The following MYMK variants were observed in gnomAD, a reference collection of about 807,000 sequenced individuals.
MYMK encodes the protein protein myomaker.
A neutral mutation model predicts 22.4 loss-of-function variants in MYMK; 16 were observed. The ratio of observed to expected loss-of-function variants is 0.72; its 90% CI spans 0.48 to 1.09. The LOEUF (loss-of-function observed/expected upper bound fraction) is 1.09. Ranked by LOEUF, MYMK falls within the 50% of genes least tolerant of loss-of-function variation. The pLI, the probability that MYMK is intolerant of heterozygous loss-of-function variation, is 0.00. For missense variants in MYMK, 250 were observed against 295.6 expected, an observed-to-expected ratio of 0.85 and a Z score of 1.13; for synonymous variants, 125 against 127.0, an observed-to-expected ratio of 0.98 and a Z score of 0.11.
chr9:133,518,826 T>G, intron 3 of MYMK, 48 bp downstream of exon 3: 1 of 1,578,660 alleles, frequency 6.3e-7, no homozygotes, highest in East Asian at 2.3e-5. Flanking sequence ...AGGGGAGAGG[T>G]GACGGGCCTC....
At position 133,524,775 on chromosome 9, in the gene MYMK, T is replaced by C. The variant is rs564601963; in HGVS notation, c.70A>G (p.Ile24Val). The change falls in exon 1 of 5, where the codon ATC becomes GTC. Residue 24 changes from isoleucine (I) to valine (V), a missense_variant. Ile to Val is a conservative substitution (Grantham distance 29, BLOSUM62 3). Coordinates refer to ENST00000339996, the MANE Select transcript of MYMK (RefSeq NM_001080483.3). ...SSLAFLPTVS[I>V]AAKRRFHMEA... ...ATGTGGAACCGCCTCTTGGCCGCGA[T>C]GCTGACAGTGGGGAGGAAGGCCAGG... is the stretch of plus-strand genomic sequence containing the variant. 3.1e-6 allele frequency: 5 copies of C among 1,614,126 alleles called. No homozygotes were observed. In the African/African-American group the frequency reaches 6.7e-5, roughly 22 times the overall value.
rs770035724 is a variant in MYMK, at chr9:133,518,854, G to A, written c.399+20C>T. 2.8e-5 allele frequency: 44 copies of A among 1,595,034 alleles called. No homozygotes were observed. The South Asian group carries it at 3.1e-4, about 11-fold the overall frequency. On this transcript the variant is annotated intron_variant, in intron 3 of 4. Coordinates refer to ENST00000339996, the MANE Select transcript of MYMK (RefSeq NM_001080483.3). ...CGGGCCTCCTGGGTCCCCGTTCATC[G>A]AGGCTCGCGCAGTACGCACCCACTT...
At chr9:133,519,551 C>T (rs1197794315) in intron 2 of MYMK, among the ~76,000 whole-genome samples, 1 of 152,096 alleles carries the variant, frequency 6.6e-6, no homozygotes, top group Non-Finnish European at 1.5e-5. Flanking sequence ...CAGAGTGAGA[C>T]CCTGTGGCTA....
rs149539829 is a variant in MYMK at position 133,515,098 on chromosome 9, A to G, written c.517-313T>C. Among the ~76,000 whole-genome samples, 173 of 112,090 alleles carry G rather than the reference A, an allele frequency of 1.5e-3. 2 individuals are homozygous for G. The highest frequency in any genetic ancestry group is 5.7e-3 in the African/African-American group (162 of 28,254). The allele number at this position is 112,090 out of a possible 152,430, so 73.5% of individuals were successfully genotyped here. A position where few individuals can be genotyped will look rare whatever the true frequency, so the allele number is the denominator to read the frequency against. On this transcript the variant is annotated intron_variant, in intron 4 of 4. Transcript: ENST00000339996. This position sits in a 1 kb window ranked among gnomAD's most constrained non-coding sequence, Gnocchi z 5.8. Reference sequence around the variant, plus strand: ...CCATCTCCCCCTCTTTTCTCTCCTTATCCCTCTTCCCCTGTTCCTCCCTCC... The same window carrying G: ...CCATCTCCCCCTCTTTTCTCTCCTTGTCCCTCTTCCCCTGTTCCTCCCTCC...
In MYMK at chr9:133,514,651, G is replaced by C. The variant is rs936541949; in HGVS notation, c.651C>G (p.Cys217Trp). The change falls in exon 5 of 5, where the codon TGC becomes TGG. Residue 217 changes from cysteine to tryptophan, a missense_variant. Physicochemically the swap from Cys to Trp is radical, Grantham distance 215 (BLOSUM62 -2). Transcript: ENST00000339996. The stretch of plus-strand genomic sequence containing the variant: ...GGGCGCAGCATCAGACACAAGCACA[G>C]CACAGGGTGGAGCAGTCCAGCTTGG... ...TPAKLDCSTL[C>W]CACV The C allele has an allele frequency of 1.9e-6, 3 of 1,613,630 alleles. No individual in the cohort carries two copies. The highest frequency in any genetic ancestry group is 2.7e-5 in the African/African-American group (2 of 74,930).
intron 3 of MYMK, among the ~76,000 whole-genome samples, chr9:133,516,405 T>C (rs1844632037): frequency 6.6e-6 from 1 of 151,870 alleles, no homozygotes; most frequent in Non-Finnish European, 1.5e-5. Flanking sequence ...GGCCTCGGAG[T>C]GGGGCCAGAC....
intron 2 of MYMK, 49 bp from the exon 3 acceptor site, chr9:133,519,071 C>A (rs761515731): frequency 1.2e-6 from 2 of 1,608,590 alleles, no homozygotes; most frequent in Admixed American, 3.3e-5. Context: ...CTCTCTTGCT[C>A]CTCCTGGCTA....
intron 1 of MYMK, among the ~76,000 whole-genome samples, chr9:133,521,116 C>T (rs996729788): frequency 2.0e-5 from 3 of 152,126 alleles, no homozygotes; most frequent in Non-Finnish European, 2.9e-5. Context: ...CTCTCGTCGT[C>T]GCCTCCCCAA....
At chr9:133,524,651 C>T in intron 1 of MYMK, 59 bp downstream of exon 1, 1 of 1,612,450 alleles carries the variant, frequency 6.2e-7, no homozygotes, top group Non-Finnish European at 8.5e-7. Flanking sequence ...GACAGAGAGC[C>T]TCTCCTCTAC....
At chr9:133,514,905 G>T (rs1844611697) in intron 4 of MYMK, 120 bp from the exon 5 acceptor site, 1 of 1,145,320 alleles carries the variant, frequency 8.7e-7, no homozygotes, top group East Asian at 2.6e-5. Flanking sequence ...GACACCTGCA[G>T]GAAGCCTCCC....
chr9:133,517,533 G>C (rs1232640459), intron 3 of MYMK, among the ~76,000 whole-genome samples: 1 of 152,168 alleles, frequency 6.6e-6, no homozygotes, highest in African/African-American at 2.4e-5. Flanking sequence ...GGGCGTGATG[G>C]CATGCGCCTA....
In MYMK at chr9:133,514,790, G is replaced by A. The variant is rs748124423; in HGVS notation, c.517-5C>T. On this transcript the variant is annotated splice_region_variant and splice_polypyrimidine_tract_variant and intron_variant, in intron 4 of 4. Coordinates refer to ENST00000339996, the MANE Select transcript of MYMK (RefSeq NM_001080483.3). ...GACATAAGTGTAGTCCCAGTCCTGC[G>A]GGGGGCAAGCGGTCAGTCTGGGGCC... 33 of 1,611,960 alleles carry A rather than the reference G, an allele frequency of 2.0e-5. No homozygotes were observed. Among genetic ancestry groups the A allele is most frequent in the Admixed American group, 1.5e-4 (9 of 59,900 alleles).
In MYMK at chr9:133,515,453, C is replaced by T. The variant is rs765159899; in HGVS notation, c.516+38G>A. The T allele has an allele frequency of 3.6e-6, 5 of 1,402,264 alleles. No homozygotes were observed. The highest frequency in any genetic ancestry group is 2.3e-5 in the East Asian group (1 of 43,586). 86.9% of individuals were successfully genotyped at this position (1,402,264 alleles called of 1,614,324 possible). A position where few individuals can be genotyped will look rare whatever the true frequency, so the allele number is the denominator to read the frequency against. On this transcript the variant is annotated intron_variant, in intron 4 of 4. Transcript: ENST00000339996. The surrounding 1 kb of genome is among the most constrained non-coding windows in gnomAD (Gnocchi z 5.8). ...GCTGAGCAGAGCCATGCCGAGTGGGCTCTGGGGCACAGGACACCTCCCCGC... is the reference window on the plus strand; with the variant it reads ...GCTGAGCAGAGCCATGCCGAGTGGGTTCTGGGGCACAGGACACCTCCCCGC...
intron 1 of MYMK, among the ~76,000 whole-genome samples, chr9:133,524,364 G>A (rs1004401171): frequency 6.6e-6 from 1 of 151,774 alleles, no homozygotes; most frequent in African/African-American, 2.4e-5. Context: ...GGGAGGGGAG[G>A]TGGCCCCATG....
At chr9:133,523,240 G>A (rs1245879138) in intron 1 of MYMK, among the ~76,000 whole-genome samples, 1 of 152,236 alleles carries the variant, frequency 6.6e-6, no homozygotes, top group Admixed American at 6.5e-5. Flanking sequence ...GCAAACACAC[G>A]TGTGAGCTCA....
intron 2 of MYMK, 50 bp from the exon 3 acceptor site, chr9:133,519,072 C>T (rs1485109396): frequency 1.2e-6 from 2 of 1,607,830 alleles, no homozygotes; most frequent in Non-Finnish European, 1.7e-6. Context: ...TCTCTTGCTC[C>T]TCCTGGCTAC....
chr9:133,518,717 C>T (rs1288778632), intron 3 of MYMK, among the ~76,000 whole-genome samples, 157 bp downstream of exon 3: 1 of 152,208 alleles, frequency 6.6e-6, no homozygotes, highest in African/African-American at 2.4e-5. Context: ...CGGAGCACCT[C>T]ATGGCTATTT....
At chr9:133,522,952 T>A (rs551551058) in intron 1 of MYMK, among the ~76,000 whole-genome samples, 29 of 152,280 alleles carry the variant, frequency 1.9e-4, no homozygotes, top group African/African-American at 6.5e-4. Context: ...CCTAGGCTTG[T>A]GGGGAAGGTG....
At chr9:133,520,369 A>C in intron 1 of MYMK, 81 bp from the exon 2 acceptor site, 1 of 1,087,774 alleles carries the variant, frequency 9.2e-7, no homozygotes, top group East Asian at 2.5e-5. Context: ...GTGCCAGGTC[A>C]CTTGCTGGCT....
Sources: allele counts gnomAD v4.1 joint callset (sites outside exome capture counted in the v4.1 genomes callset), GRCh38; gene constraint gnomAD v4.1.1; non-coding constraint Gnocchi (gnomAD v3.1); transcripts MANE v1.5; gene names NCBI Gene and HGNC (gene_info 2026-07-23, HGNC 2026-07-21).